Variants in GUCY2C observed in about 807,000 individuals in gnomAD.
GUCY2C encodes the protein guanylate cyclase 2C.
In GUCY2C, 118 loss-of-function variants were observed where a neutral mutation model predicts 131.1. That is an observed-to-expected ratio of 0.90 (90% CI 0.78 to 1.05). The LOEUF (loss-of-function observed/expected upper bound fraction) is 1.05. Among genes scored for constraint, GUCY2C ranks in the 50% least tolerant of loss-of-function variants. The pLI, the probability that GUCY2C is intolerant of heterozygous loss-of-function variation, is 0.00. For synonymous variants in GUCY2C, 452 were observed against 457.8 expected, an observed-to-expected ratio of 0.99 and a Z score of 0.16; for missense variants, 1,161 against 1,304.4, an observed-to-expected ratio of 0.89 and a Z score of 1.69.
chr12:14,636,535 A>G lies in GUCY2C; in HGVS notation c.2157+3327T>C, dbSNP rs538815181. 1.1e-3 allele frequency among the ~76,000 whole-genome samples: 166 copies of G among 152,320 alleles called. 1 individual carries two copies. The highest frequency in any genetic ancestry group is 1.7e-3 in the Non-Finnish European group (114 of 68,026). ...TATACTACAAACCTGCCAATATCAC[A>G]CAGAATGAGGAAAAGCTGAAAGCTT... On this transcript the variant is annotated intron_variant, in intron 19 of 26. Coordinates refer to ENST00000261170, the MANE Select transcript of GUCY2C (RefSeq NM_004963.4).
At chr12:14,619,626 C>T in intron 23 of GUCY2C, 1 of 271,652 alleles carries the variant, frequency 3.7e-6, no homozygotes, top group South Asian at 6.8e-5. Context: ...TGAAGATGAG[C>T]CCCACTGCTT....
chr12:14,630,029 AG>A lies in GUCY2C; in HGVS notation c.2158-1293del, dbSNP rs1220343463. ...TAGAGAAGTGACATGGAAAAAAGGGAGGTATGGAGGAAGAGGTAGGGAGACA... is the reference window on the plus strand; with the variant it reads ...TAGAGAAGTGACATGGAAAAAAGGGAGTATGGAGGAAGAGGTAGGGAGACA... On this transcript the variant is annotated intron_variant, in intron 19 of 26. Coordinates refer to ENST00000261170, the MANE Select transcript of GUCY2C (RefSeq NM_004963.4). 4.8e-5 allele frequency among the ~76,000 whole-genome samples: 7 copies of A among 147,182 alleles called. 1 individual carries two copies. Among genetic ancestry groups the A allele is most frequent in the African/African-American group, 1.4e-4 (5 of 37,022 alleles).
intron 19 of GUCY2C, among the ~76,000 whole-genome samples, chr12:14,638,140 G>A (rs1352592097): frequency 2.0e-5 from 3 of 152,128 alleles, no homozygotes; most frequent in African/African-American, 7.2e-5. Flanking sequence ...AATCATCAGG[G>A]AAATGCAAGT....
chr12:14,675,013 C>T (rs371521041), intron 7 of GUCY2C, among the ~76,000 whole-genome samples: 45 of 151,782 alleles, frequency 3.0e-4, no homozygotes, highest in African/African-American at 1.1e-3. Flanking sequence ...AGTTTGAGAC[C>T]AGCCTGTCCA....
At chr12:14,631,329 A>C (rs938121379) in intron 19 of GUCY2C, among the ~76,000 whole-genome samples, 5 of 151,622 alleles carry the variant, frequency 3.3e-5, no homozygotes, top group African/African-American at 4.8e-5. Context: ...GTGCTGCACC[A>C]ATTAACTCGT....
chr12:14,677,390 G>A (rs1948257237), intron 6 of GUCY2C, among the ~76,000 whole-genome samples: 1 of 152,046 alleles, frequency 6.6e-6, no homozygotes, highest in South Asian at 2.1e-4. Context: ...TGAAACATAA[G>A]CATAAAAAGA....
In GUCY2C at chr12:14,673,253, C is replaced by T. The variant is rs1477109; in HGVS notation, c.1085-295G>A. On this transcript the variant is annotated intron_variant, in intron 8 of 26. Coordinates refer to ENST00000261170, the MANE Select transcript of GUCY2C (RefSeq NM_004963.4). ...CAATAAGTCCCTCGATTATTAGTGA[C>T]ACATTTTTGCTAAGAATATTTCCTG... Among the ~76,000 whole-genome samples, 150,510 of 152,284 alleles carry T rather than the reference C, an allele frequency of 0.99. 74,395 individuals carry two copies. Among genetic ancestry groups the T allele is most frequent in the Middle Eastern group, 1 (294 of 294 alleles).
intron 10 of GUCY2C, chr12:14,665,806 C>A (rs1947966805): frequency 6.6e-6 from 1 of 152,192 alleles, no homozygotes; most frequent in Non-Finnish European, 1.5e-5. Context: ...TAGCTGTGTA[C>A]ACACAGATGC....
chr12:14,633,355 A>G (rs548629480), intron 19 of GUCY2C, among the ~76,000 whole-genome samples: 3 of 152,206 alleles, frequency 2.0e-5, no homozygotes, highest in African/African-American at 7.2e-5. Context: ...GCATGCACCC[A>G]GAATCAAAGC....
At chr12:14,648,272 T>A (rs1565618037) in intron 15 of GUCY2C, among the ~76,000 whole-genome samples, 7 of 147,810 alleles carry the variant, frequency 4.7e-5, no homozygotes, top group Non-Finnish European at 6.0e-5. Flanking sequence ...ATCTTTAAAT[T>A]AAAAAAAAAA....
At chr12:14,650,863 T>C (rs1441032836) in intron 15 of GUCY2C, among the ~76,000 whole-genome samples, 1 of 152,218 alleles carries the variant, frequency 6.6e-6, no homozygotes, top group Non-Finnish European at 1.5e-5. Flanking sequence ...CTATGTTTTT[T>C]TCTTGGAGGG....
At chr12:14,666,669 A>C (rs192309258) in intron 10 of GUCY2C, among the ~76,000 whole-genome samples, 16 of 150,672 alleles carry the variant, frequency 1.1e-4, no homozygotes, top group African/African-American at 3.9e-4. Flanking sequence ...CGGGAGGCAG[A>C]GGTTGCAGTG....
At chr12:14,666,509 C>T (rs1207207220) in intron 10 of GUCY2C, among the ~76,000 whole-genome samples, 6 of 152,204 alleles carry the variant, frequency 3.9e-5, no homozygotes, top group African/African-American at 1.4e-4. Flanking sequence ...CCGAGGCAGG[C>T]GGATCACGTG....
chr12:14,652,335 C>T (rs59804850), intron 13 of GUCY2C, among the ~76,000 whole-genome samples: 4,631 of 152,094 alleles, frequency 0.03, 258 homozygotes, highest in African/African-American at 0.11. Context: ...CCACCATGCC[C>T]GGCTAATTTT....
chr12:14,621,618 T>C (rs558407551), intron 22 of GUCY2C, among the ~76,000 whole-genome samples: 3 of 152,362 alleles, frequency 2.0e-5, no homozygotes, highest in Non-Finnish European at 2.9e-5. Flanking sequence ...CTTTGTAATA[T>C]GTAATTGTAT....
intron 11 of GUCY2C, among the ~76,000 whole-genome samples, chr12:14,659,100 C>G (rs551925640): frequency 1.3e-5 from 2 of 151,436 alleles, no homozygotes; most frequent in African/African-American, 4.8e-5. Context: ...GGCTGGAGTG[C>G]AGTGGTGCGA....
chr12:14,613,047 G>C lies in GUCY2C; in HGVS notation c.*70C>G. 1.6e-6 allele frequency: 2 copies of C among 1,272,882 alleles called. No individual in the cohort carries two copies. Among genetic ancestry groups the C allele is most frequent in the Non-Finnish European group, 2.3e-6 (2 of 882,198 alleles). 78.8% of individuals were successfully genotyped at this position (1,272,882 alleles called of 1,614,324 possible). ...GGTCTCAGGAAAATGTAAGCTTTCAGGACACTTGAGGTCGCTGCCTCAGTG... is the reference window on the plus strand; with the variant it reads ...GGTCTCAGGAAAATGTAAGCTTTCACGACACTTGAGGTCGCTGCCTCAGTG... On this transcript the variant is annotated 3_prime_UTR_variant, in exon 27 of 27. Transcript: ENST00000261170. This position sits in a 1 kb window ranked among gnomAD's most constrained non-coding sequence, Gnocchi z 4.9.
chr12:14,641,256 G>C, intron 17 of GUCY2C, 37 bp from the exon 18 acceptor site: 1 of 1,608,404 alleles, frequency 6.2e-7, no homozygotes, highest in Non-Finnish European at 8.5e-7. Context: ...AAGTTGAGGG[G>C]GGTGAGTGGT....
intron 12 of GUCY2C, 37 bp from the exon 13 acceptor site, chr12:14,653,051 A>G (rs1228370839): frequency 3.4e-6 from 5 of 1,468,076 alleles, no homozygotes; most frequent in East Asian, 2.3e-5. Flanking sequence ...CAGAAGCTCC[A>G]TATCTCATCC....
Sources: allele counts gnomAD v4.1 joint callset (sites outside exome capture counted in the v4.1 genomes callset), GRCh38; gene constraint gnomAD v4.1.1; non-coding constraint Gnocchi (gnomAD v3.1); transcripts MANE v1.5; gene names NCBI Gene and HGNC (gene_info 2026-07-23, HGNC 2026-07-21).